ZFPM2: variants seen among roughly 807,000 people sequenced by gnomAD.
ZFPM2 encodes the protein zinc finger protein ZFPM2.
In ZFPM2, 20 loss-of-function variants were observed where a neutral mutation model predicts 98.6. The observed-to-expected ratio is 0.20, with a 90% CI of 0.14 to 0.29. ZFPM2 has a LOEUF of 0.29. ZFPM2 is among the 10% of genes least tolerant of loss of function. The probability of loss-of-function intolerance (pLI) is 1.00; values close to 1 mark genes in which losing one functional copy is unlikely to be tolerated. For synonymous variants in ZFPM2, 518 were observed against 502.7 expected (o/e 1.03, Z -0.41); for missense variants, 1,310 against 1,388.6 (o/e 0.94, Z 0.90).
Position 105,754,681 on chromosome 8 carries a change from CTTT to C in ZFPM2, c.533-34026_533-34024del, listed in dbSNP as rs35895775. 4.1e-4 allele frequency among the ~76,000 whole-genome samples: 60 copies of C among 146,924 alleles called. 1 individual carries two copies. The highest frequency in any genetic ancestry group is 1.3e-3 in the African/African-American group (52 of 40,580). ...ATTGTAAGAGAAAAGTAGTAGCAAC[CTTT>C]TTTTTTTTTTCTATTGATGGAGGTA... On this transcript the variant is annotated intron_variant, in intron 5 of 7. Transcript: ENST00000407775.
At chr8:105,642,411 C>G (rs1318685568) in intron 5 of ZFPM2, among the ~76,000 whole-genome samples, 2 of 151,980 alleles carry the variant, frequency 1.3e-5, no homozygotes, top group Non-Finnish European at 2.9e-5. Flanking sequence ...GATTATTTTA[C>G]TTATATAATT....
chr8:105,739,907 A>C (rs1177055914), intron 5 of ZFPM2, among the ~76,000 whole-genome samples: 1 of 151,956 alleles, frequency 6.6e-6, no homozygotes, highest in African/African-American at 2.4e-5. Flanking sequence ...GGAAAGGTTG[A>C]ATTTTTGTGT....
chr8:105,720,010 C>A (rs537527795), intron 5 of ZFPM2, among the ~76,000 whole-genome samples: 1 of 151,950 alleles, frequency 6.6e-6, no homozygotes, highest in East Asian at 1.9e-4. Context: ...TAACAGGGAA[C>A]CACAGCCAAC....
chr8:105,650,533 T>C (rs1159103180), intron 5 of ZFPM2, among the ~76,000 whole-genome samples: 1 of 152,242 alleles, frequency 6.6e-6, no homozygotes, highest in African/African-American at 2.4e-5. Flanking sequence ...AATTTTCCTC[T>C]ACACACTGCT....
intron 3 of ZFPM2, among the ~76,000 whole-genome samples, chr8:105,542,560 A>G (rs1814600742): frequency 6.6e-6 from 1 of 152,168 alleles, no homozygotes; most frequent in African/African-American, 2.4e-5. Context: ...CCCTATCCAC[A>G]ACCAAATGTG....
intron 3 of ZFPM2, among the ~76,000 whole-genome samples, chr8:105,458,340 T>C (rs1357796910): frequency 6.6e-6 from 1 of 152,216 alleles, no homozygotes; most frequent in African/African-American, 2.4e-5. Flanking sequence ...GATTCCTTTT[T>C]GTTTTCATGG....
chr8:105,380,600 A>ATT (rs1310855545), intron 1 of ZFPM2, among the ~76,000 whole-genome samples: 1 of 53,894 alleles, frequency 1.9e-5, no homozygotes, highest in Non-Finnish European at 3.2e-5. Flanking sequence ...GTATATATAT[A>ATT]TTATATATAT....
At chr8:105,799,015 T>TG in intron 7 of ZFPM2, 67 bp downstream of exon 7, 1 of 1,341,018 alleles carries the variant, frequency 7.5e-7, no homozygotes, top group Non-Finnish European at 1.0e-6. Flanking sequence ...TATATATGCA[T>TG]TACATGTATA....
At chr8:105,708,959 T>TAC (rs1253016507) in intron 5 of ZFPM2, among the ~76,000 whole-genome samples, 2 of 152,220 alleles carry the variant, frequency 1.3e-5, no homozygotes. Flanking sequence ...GCACAACTTC[T>TAC]ACATTGCAGT....
At chr8:105,333,265 T>C (rs1450377180) in intron 1 of ZFPM2, among the ~76,000 whole-genome samples, 1 of 151,782 alleles carries the variant, frequency 6.6e-6, no homozygotes, top group Admixed American at 6.6e-5. Flanking sequence ...ACATCGTAGC[T>C]GATGGCTAAA....
intron 4 of ZFPM2, among the ~76,000 whole-genome samples, chr8:105,562,720 C>A (rs1815165825): frequency 6.6e-6 from 1 of 152,116 alleles, no homozygotes; most frequent in Non-Finnish European, 1.5e-5. Context: ...TTCCCTCTTA[C>A]ACATTTAAGG....
At chr8:105,583,432 A>G (rs1418334056) in intron 4 of ZFPM2, among the ~76,000 whole-genome samples, 1 of 151,864 alleles carries the variant, frequency 6.6e-6, no homozygotes, top group Non-Finnish European at 1.5e-5. Context: ...ATGCTTACAG[A>G]AAAAAAATAG....
At chr8:105,464,443 G>T (rs1812759360) in intron 3 of ZFPM2, among the ~76,000 whole-genome samples, 1 of 151,968 alleles carries the variant, frequency 6.6e-6, no homozygotes, top group Admixed American at 6.6e-5. Flanking sequence ...CTTAAAAATA[G>T]AGCAAATGCA....
At position 105,803,395 on chromosome 8, in the gene ZFPM2, G is replaced by A; in HGVS notation, c.3313G>A (p.Ala1105Thr). ...PSAEEQLSSI[A>T]KGVNGSSQAP... is the part of the protein sequence containing the mutation. ...AGCAGAGGAACAGTTGTCTAGTATAGCAAAAGGTGTGAATGGTTCCAGCCA... is the reference window on the plus strand; with the variant it reads ...AGCAGAGGAACAGTTGTCTAGTATAACAAAAGGTGTGAATGGTTCCAGCCA... Residue 1105 changes from alanine (A) to threonine (T), a missense_variant, in exon 8 of 8, where the codon GCA (alanine) becomes ACA (threonine). By Grantham distance (58) the Ala-to-Thr change is moderately conservative (BLOSUM62 0). Coordinates refer to ENST00000407775, the MANE Select transcript of ZFPM2 (RefSeq NM_012082.4). The A allele has an allele frequency of 2.5e-6, 4 of 1,613,860 alleles. No individual in the cohort carries two copies. Among genetic ancestry groups the A allele is most frequent in the Non-Finnish European group, 3.4e-6 (4 of 1,179,822 alleles).
intron 5 of ZFPM2, among the ~76,000 whole-genome samples, chr8:105,786,714 TTTAC>T (rs1381266679): frequency 6.6e-6 from 1 of 152,224 alleles, no homozygotes; most frequent in Non-Finnish European, 1.5e-5. Flanking sequence ...TGAATTTAAT[TTTAC>T]TTATTTACTA....
intron 3 of ZFPM2, among the ~76,000 whole-genome samples, chr8:105,505,057 A>G (rs563912703): frequency 1.3e-5 from 2 of 152,312 alleles, no homozygotes; most frequent in African/African-American, 4.8e-5. Context: ...ATTGCAAGGC[A>G]CACAGAAAAT....
intron 4 of ZFPM2, among the ~76,000 whole-genome samples, chr8:105,592,188 GCTGCTTTACTCTCGGTAATTGC>G (rs1218459437): frequency 6.6e-6 from 1 of 152,036 alleles, no homozygotes; most frequent in African/African-American, 2.4e-5. Flanking sequence ...AGGTCAGGAG[GCTGCTTTACTCTCGGTAATTGC>G]CTGGGAATCT....
chr8:105,505,712 G>A (rs114041955), intron 3 of ZFPM2, among the ~76,000 whole-genome samples: 2,385 of 151,952 alleles, frequency 0.016, 61 homozygotes, highest in African/African-American at 0.053. Flanking sequence ...AAGAAAATTC[G>A]TAATAGTTAA....
chr8:105,668,818 T>A (rs1442250735), intron 5 of ZFPM2, among the ~76,000 whole-genome samples: 1 of 152,198 alleles, frequency 6.6e-6, no homozygotes, highest in Non-Finnish European at 1.5e-5. Context: ...GTTTCTCAAT[T>A]AAATTTGGAT....
Sources: gnomAD v4.1 joint callset for allele counts (sites outside exome capture counted in the v4.1 genomes callset) on GRCh38, gnomAD v4.1.1 for gene constraint, MANE v1.5 for transcripts, NCBI Gene and HGNC (gene_info 2026-07-23, HGNC 2026-07-21) for gene names.